The following XKR6 variants were observed in gnomAD, a reference collection of about 807,000 sequenced individuals.
The protein encoded by XKR6 is XK-related protein 6.
A neutral mutation model predicts 56.7 loss-of-function variants in XKR6; 22 were observed. The ratio of observed to expected loss-of-function variants is 0.39; its 90% CI spans 0.28 to 0.55. XKR6 has a LOEUF of 0.55. Among genes scored for constraint, XKR6 ranks in the 20% least tolerant of loss-of-function variants. The pLI is 0.66. For missense variants in XKR6, 852 were observed against 889.0 expected (o/e 0.96, Z 0.53); for synonymous variants, 524 against 387.8 (o/e 1.35, Z -4.13).
chr8:11,106,049 T>C (rs1451565599), intron 1 of XKR6: 1 of 152,198 alleles, frequency 6.6e-6, no homozygotes, highest in South Asian at 2.1e-4. Flanking sequence ...AACACATTTG[T>C]AGGGTTTCTA....
At chr8:11,179,236 T>G (rs1802841498) in intron 1 of XKR6, among the ~76,000 whole-genome samples, 1 of 152,142 alleles carries the variant, frequency 6.6e-6, no homozygotes, top group South Asian at 2.1e-4. Context: ...AACAAGCATC[T>G]GGCTAGAAGA....
intron 1 of XKR6, among the ~76,000 whole-genome samples, chr8:11,180,962 A>C (rs1315191865): frequency 6.6e-6 from 1 of 152,224 alleles, no homozygotes; most frequent in Non-Finnish European, 1.5e-5. Context: ...TCAGGGCTAA[A>C]ACACAATACA....
chr8:10,921,633 A>G (rs985444309), intron 2 of XKR6, among the ~76,000 whole-genome samples: 6 of 152,212 alleles, frequency 3.9e-5, no homozygotes, highest in Non-Finnish European at 5.9e-5. Context: ...CAAAATCACA[A>G]GAGGGTATAA....
intron 2 of XKR6, among the ~76,000 whole-genome samples, chr8:10,900,116 T>C (rs1387985322): frequency 1.3e-5 from 2 of 152,184 alleles, no homozygotes; most frequent in Non-Finnish European, 2.9e-5. Flanking sequence ...GGAGGCCGAA[T>C]GCTGTCCCAC....
rs1016875037 is a variant in XKR6 at position 11,183,188 on chromosome 8, C to T, written c.764+17388G>A. On this transcript the variant is annotated intron_variant, in intron 1 of 2. Transcript: ENST00000416569. The stretch of plus-strand genomic sequence containing the variant: ...GCTATGAATGTGGCTGTACAAATAT[C>T]TCCTTGAGACCCTCCTTTCTTTTGG... Among the ~76,000 whole-genome samples, 3 of 152,140 alleles carry T rather than the reference C, an allele frequency of 2.0e-5. No individual in the cohort carries two copies. In the East Asian group the frequency reaches 5.8e-4, roughly 29 times the overall value.
Position 11,123,795 on chromosome 8 carries a change from G to T in XKR6, c.764+76781C>A, listed in dbSNP as rs549069096. 6.6e-6 allele frequency: 3 copies of T among 453,262 alleles called. No homozygotes were observed. The East Asian group carries it at 2.1e-4, about 32-fold the overall frequency. 28.1% of individuals were successfully genotyped at this position (453,262 alleles called of 1,614,324 possible). ...AAAACAAAAAAGTCTCCTCATCTCA[G>T]TGTAATGCCAGACACTATTTGGAAA... On this transcript the variant is annotated intron_variant, in intron 1 of 2. Transcript: ENST00000416569.
At chr8:10,958,153 C>G (rs1222755382) in intron 1 of XKR6, among the ~76,000 whole-genome samples, 1 of 152,174 alleles carries the variant, frequency 6.6e-6, no homozygotes, top group Non-Finnish European at 1.5e-5. Context: ...TACCTAATCC[C>G]TGAATCTCAA....
chr8:11,101,674 A>T (rs1798489993), intron 1 of XKR6, among the ~76,000 whole-genome samples: 2 of 152,226 alleles, frequency 1.3e-5, no homozygotes, highest in Non-Finnish European at 2.9e-5. Context: ...AAGTCCTGGA[A>T]GATGGAAGTG....
chr8:10,924,895 G>A, intron 1 of XKR6, 65 bp from the exon 2 acceptor site: 1 of 1,519,942 alleles, frequency 6.6e-7, no homozygotes, highest in Non-Finnish European at 8.9e-7. Flanking sequence ...GAGGACCCTT[G>A]CCATCCCCCT....
intron 1 of XKR6, among the ~76,000 whole-genome samples, chr8:10,951,842 C>A (rs1042249512): frequency 6.6e-6 from 1 of 152,038 alleles, no homozygotes; most frequent in Non-Finnish European, 1.5e-5. Flanking sequence ...GAGCCCGGAC[C>A]AAGGAGGGGG....
intron 2 of XKR6, among the ~76,000 whole-genome samples, chr8:10,922,688 C>T (rs755375214): frequency 6.6e-6 from 1 of 152,190 alleles, no homozygotes; most frequent in Non-Finnish European, 1.5e-5. Context: ...CCAATCACAC[C>T]AGTTCGTTGC....
intron 1 of XKR6, among the ~76,000 whole-genome samples, chr8:11,198,152 C>G (rs1563214147): frequency 1.3e-5 from 2 of 152,174 alleles, no homozygotes; most frequent in African/African-American, 4.8e-5. Context: ...AACACATTGA[C>G]AAGCAATTGT....
chr8:10,996,761 C>G (rs992626395), intron 1 of XKR6, among the ~76,000 whole-genome samples: 7 of 152,068 alleles, frequency 4.6e-5, no homozygotes, highest in African/African-American at 1.7e-4. Flanking sequence ...GCCTGTAATC[C>G]TAGCACTTTG....
intron 1 of XKR6, among the ~76,000 whole-genome samples, chr8:11,075,458 G>A (rs1800249008): frequency 6.6e-6 from 1 of 152,166 alleles, no homozygotes; most frequent in South Asian, 2.1e-4. Flanking sequence ...CCCAGCCCAG[G>A]TTGATGACAG....
chr8:11,007,823 C>A (rs1798405063), intron 1 of XKR6, among the ~76,000 whole-genome samples: 1 of 152,062 alleles, frequency 6.6e-6, no homozygotes, highest in South Asian at 2.1e-4. Context: ...CTTCTCCTCT[C>A]TGGGCTTGTA....
intron 1 of XKR6, among the ~76,000 whole-genome samples, chr8:11,177,035 T>C (rs768158108): frequency 6.6e-6 from 1 of 152,114 alleles, no homozygotes; most frequent in Non-Finnish European, 1.5e-5. Flanking sequence ...AGGTAGAGTG[T>C]CCACTCTAAA....
At chr8:10,987,358 G>A (rs1007386869) in intron 1 of XKR6, among the ~76,000 whole-genome samples, 1 of 152,196 alleles carries the variant, frequency 6.6e-6, no homozygotes, top group Admixed American at 6.5e-5. Flanking sequence ...TCAATTTACA[G>A]TTGAGAAAAA....
chr8:10,966,285 C>A (rs1381340069), intron 1 of XKR6, among the ~76,000 whole-genome samples: 1 of 152,088 alleles, frequency 6.6e-6, no homozygotes, highest in Admixed American at 6.5e-5. Flanking sequence ...GGTCCATGGA[C>A]CACCCTTGGG....
chr8:11,117,887 G>C (rs1461086618), intron 1 of XKR6, among the ~76,000 whole-genome samples: 4 of 152,124 alleles, frequency 2.6e-5, no homozygotes, highest in Non-Finnish European at 5.9e-5. Context: ...AATAAATACA[G>C]AAAAATAACT....
Sources: allele counts gnomAD v4.1 joint callset (sites outside exome capture counted in the v4.1 genomes callset), GRCh38; gene constraint gnomAD v4.1.1; transcripts MANE v1.5; gene names NCBI Gene and HGNC (gene_info 2026-07-23, HGNC 2026-07-21).